C10orf143: variants seen among roughly 807,000 people sequenced by gnomAD.
The protein encoded by C10orf143 is uncharacterized protein C10orf143.
At chr10:130,074,337 G>A (rs1265423762) in intron 3 of C10orf143, among the ~76,000 whole-genome samples, 1 of 152,150 alleles carries the variant, frequency 6.6e-6, no homozygotes, top group East Asian at 1.9e-4. Context: ...AGAAATGCAT[G>A]GAGCACAACT....
chr10:130,093,802 G>T (rs557629472), intron 1 of C10orf143, among the ~76,000 whole-genome samples: 1 of 152,128 alleles, frequency 6.6e-6, no homozygotes, highest in South Asian at 2.1e-4. Context: ...CACGAGGTCA[G>T]ATTGAGATCG....
At chr10:130,097,810 G>C (rs1861486249) in intron 1 of C10orf143, among the ~76,000 whole-genome samples, 1 of 152,134 alleles carries the variant, frequency 6.6e-6, no homozygotes, top group Admixed American at 6.5e-5. Context: ...AGCTGCAGGA[G>C]ACCCTATCAG....
chr10:130,071,007 A>C (rs1368180109), intron 3 of C10orf143, among the ~76,000 whole-genome samples: 1 of 152,042 alleles, frequency 6.6e-6, no homozygotes, highest in Admixed American at 6.5e-5. Flanking sequence ...CTTCCACCTC[A>C]CAGGCTCAAG....
intron 3 of C10orf143, among the ~76,000 whole-genome samples, chr10:130,070,492 C>T (rs980690808): frequency 1.2e-4 from 18 of 152,334 alleles, no homozygotes; most frequent in African/African-American, 2.4e-4. Flanking sequence ...CAGCTCTACA[C>T]GTTTCTCTGC....
chr10:130,106,102 A>C, intron 1 of C10orf143: 1 of 634,782 alleles, frequency 1.6e-6, no homozygotes, highest in East Asian at 4.0e-5. Flanking sequence ...TGGGGGAGCC[A>C]CGCAGGGTTG....
chr10:130,071,933 T>C (rs1861041041), intron 3 of C10orf143, among the ~76,000 whole-genome samples: 1 of 152,208 alleles, frequency 6.6e-6, no homozygotes, highest in South Asian at 2.1e-4. Context: ...CGTCATATTC[T>C]ATATTTTCTA....
At chr10:130,105,356 T>C (rs1022598845) in intron 1 of C10orf143, among the ~76,000 whole-genome samples, 1 of 152,254 alleles carries the variant, frequency 6.6e-6, no homozygotes, top group African/African-American at 2.4e-5. Flanking sequence ...TGTGTATCCT[T>C]AGGCCAGTTA....
At chr10:130,061,331 A>G (rs747978128), downstream of C10orf143, among the ~76,000 whole-genome samples, 2 of 152,208 alleles carry the variant, frequency 1.3e-5, no homozygotes, top group African/African-American at 2.4e-5. Context: ...ATGGATTTCA[A>G]GTATACTTTT....
intron 3 of C10orf143, among the ~76,000 whole-genome samples, chr10:130,070,640 G>A (rs527894443): frequency 4.6e-5 from 7 of 152,106 alleles, no homozygotes; most frequent in South Asian, 2.1e-4. Context: ...TAGAAATAAC[G>A]CCCTTATTTT....
At chr10:130,068,454 A>T (rs1271931891) in intron 3 of C10orf143, 1 of 152,060 alleles carries the variant, frequency 6.6e-6, no homozygotes, top group African/African-American at 2.4e-5. Flanking sequence ...TCTACTGAAA[A>T]TACAAAAGTC....
chr10:130,109,100 G>T (rs1334176374), intron 1 of C10orf143, among the ~76,000 whole-genome samples: 4 of 152,046 alleles, frequency 2.6e-5, no homozygotes, highest in African/African-American at 9.7e-5. Context: ...ACACAGTCAC[G>T]TCTCTCTAGT....
At chr10:130,078,859 A>T (rs1861161292) in intron 3 of C10orf143, among the ~76,000 whole-genome samples, 1 of 152,162 alleles carries the variant, frequency 6.6e-6, no homozygotes, top group Non-Finnish European at 1.5e-5. Context: ...ACACATATAC[A>T]CACGCACAAA....
intron 3 of C10orf143, among the ~76,000 whole-genome samples, chr10:130,048,727 A>G (rs1180065321): frequency 6.6e-6 from 1 of 152,160 alleles, no homozygotes; most frequent in Non-Finnish European, 1.5e-5. Context: ...TTTAAGAGTC[A>G]GAATCTCCTC....
chr10:130,102,000 C>T (rs1415729495), intron 1 of C10orf143, among the ~76,000 whole-genome samples: 2 of 151,618 alleles, frequency 1.3e-5, no homozygotes, highest in Non-Finnish European at 2.9e-5. Flanking sequence ...GGCATGGTGG[C>T]TCATGCCTGT....
intron 1 of C10orf143, among the ~76,000 whole-genome samples, chr10:130,101,874 A>C (rs137957148): frequency 0.15 from 21,722 of 141,370 alleles, 2,603 homozygotes; most frequent in Non-Finnish European, 0.22. Context: ...CCAAAAAAAA[A>C]AAAAAAAAAA....
intron 1 of C10orf143, among the ~76,000 whole-genome samples, chr10:130,080,536 GAC>G (rs1438270549): frequency 6.6e-6 from 1 of 152,206 alleles, no homozygotes; most frequent in African/African-American, 2.4e-5. Context: ...TGTTGTAACT[GAC>G]ACAGAGTTTC....
At chr10:130,083,433 T>C (rs1394479866) in intron 1 of C10orf143, among the ~76,000 whole-genome samples, 1 of 152,140 alleles carries the variant, frequency 6.6e-6, no homozygotes, top group African/African-American at 2.4e-5. Context: ...TCCAACGATA[T>C]GGGAAAAAAG....
At chr10:130,106,163 C>T (rs767839135) in intron 1 of C10orf143, 2 of 839,338 alleles carry the variant, frequency 2.4e-6, no homozygotes, top group African/African-American at 3.3e-5. Flanking sequence ...TCATGGTTTT[C>T]CATGGGAAAT....
rs973165574 is a variant in C10orf143 at position 130,071,530 on chromosome 10, T to C, written c.298-7147A>G. Reference sequence around the variant, plus strand: ...TATTTATTCAAGAAACCCATCTTTATATTTTGTGCATTGTAAATATCTTTC... The same window carrying C: ...TATTTATTCAAGAAACCCATCTTTACATTTTGTGCATTGTAAATATCTTTC... On this transcript the variant is annotated intron_variant, in intron 3 of 3. Transcript: ENST00000637128. Among the ~76,000 whole-genome samples, 7 of 152,368 alleles carry C rather than the reference T, an allele frequency of 4.6e-5. No individual in the cohort carries two copies. In the East Asian group the frequency reaches 7.7e-4, roughly 17 times the overall value.
Sources: gnomAD v4.1 joint callset for allele counts (sites outside exome capture counted in the v4.1 genomes callset) on GRCh38, gnomAD v4.1.1 for gene constraint, MANE v1.5 for transcripts, NCBI Gene and HGNC (gene_info 2026-07-23, HGNC 2026-07-21) for gene names.